Variants in SOS1 observed in about 807,000 individuals in gnomAD.
The protein encoded by SOS1 is SOS Ras/Rac guanine nucleotide exchange factor 1, also known as son of sevenless homolog 1.
A neutral mutation model predicts 157.6 loss-of-function variants in SOS1; 25 were observed. The observed-to-expected ratio is 0.16, with a 90% CI of 0.12 to 0.22. The LOEUF (loss-of-function observed/expected upper bound fraction) is 0.22. Ranked by LOEUF, SOS1 falls within the 10% of genes least tolerant of loss-of-function variation. The pLI is 1.00. For missense variants in SOS1, 1,237 were observed against 1,599.1 expected, an observed-to-expected ratio of 0.77 and a Z score of 3.86; for synonymous variants, 528 against 534.0, an observed-to-expected ratio of 0.99 and a Z score of 0.16.
At chr2:39,021,813 A>T (rs906462640) in intron 10 of SOS1, among the ~76,000 whole-genome samples, 1 of 151,780 alleles carries the variant, frequency 6.6e-6, no homozygotes, top group Non-Finnish European at 1.5e-5. Context: ...CTGAATAAAA[A>T]ACATTTTTAT....
chr2:39,096,661 G>A lies in SOS1; in HGVS notation c.87+23675C>T, dbSNP rs1168317505. Among the ~76,000 whole-genome samples, 4 of 152,118 alleles carry A rather than the reference G, an allele frequency of 2.6e-5. No homozygotes were observed. The South Asian group carries it at 8.3e-4, about 32-fold the overall frequency. ...AGCACTTTGGGAGGCCAAGGCAGGC[G>A]GATCACGAGGTCAGGAGATCGAGAC... On this transcript the variant is annotated intron_variant, in intron 1 of 22. Coordinates refer to ENST00000402219, the MANE Select transcript of SOS1 (RefSeq NM_005633.4).
At chr2:39,009,004 A>G (rs998526135) in intron 15 of SOS1, among the ~76,000 whole-genome samples, 22 of 152,152 alleles carry the variant, frequency 1.4e-4, no homozygotes, top group Non-Finnish European at 2.1e-4. Flanking sequence ...TGCCTGTGAG[A>G]GCAACCAAAT....
chr2:39,017,521 C>A (rs551094543), intron 10 of SOS1, among the ~76,000 whole-genome samples: 1 of 152,068 alleles, frequency 6.6e-6, no homozygotes, highest in African/African-American at 2.4e-5. Flanking sequence ...AATAAACACT[C>A]CCATAATCAT....
chr2:39,051,940 A>G (rs955400859), intron 5 of SOS1, among the ~76,000 whole-genome samples: 7 of 152,170 alleles, frequency 4.6e-5, no homozygotes, highest in Admixed American at 1.3e-4. Context: ...TTACTAGTCA[A>G]TGGTTTTCAA....
chr2:39,101,466 G>A (rs1258185495), intron 1 of SOS1, among the ~76,000 whole-genome samples: 1 of 152,080 alleles, frequency 6.6e-6, no homozygotes, highest in African/African-American at 2.4e-5. Flanking sequence ...ACAACTAGAT[G>A]ATACAGAAAT....
intron 1 of SOS1, among the ~76,000 whole-genome samples, chr2:39,090,550 G>T (rs977791146): frequency 6.6e-6 from 1 of 151,978 alleles, no homozygotes; most frequent in African/African-American, 2.4e-5. Flanking sequence ...ACAAAAATTA[G>T]CCAGGCATGG....
At chr2:39,059,565 A>G (rs1475716851) in intron 2 of SOS1, among the ~76,000 whole-genome samples, 4 of 152,204 alleles carry the variant, frequency 2.6e-5, no homozygotes, top group Admixed American at 2.6e-4. Flanking sequence ...TCGCTATTAC[A>G]TAACTTTTAC....
At chr2:39,112,963 G>C (rs903875958) in intron 1 of SOS1, among the ~76,000 whole-genome samples, 1 of 151,930 alleles carries the variant, frequency 6.6e-6, no homozygotes, top group Non-Finnish European at 1.5e-5. Context: ...TGGAACCTGG[G>C]AGGTGGAGGC....
At chr2:39,011,221 T>C (rs145817461) in intron 14 of SOS1, among the ~76,000 whole-genome samples, 8 of 152,322 alleles carry the variant, frequency 5.3e-5, no homozygotes, top group African/African-American at 1.9e-4. Flanking sequence ...TTAAAAACTA[T>C]TTTTATGGAA....
chr2:39,118,375 G>C (rs191916051), intron 1 of SOS1, among the ~76,000 whole-genome samples: 7 of 152,310 alleles, frequency 4.6e-5, no homozygotes, highest in Admixed American at 3.9e-4. Context: ...AAAAACGTAG[G>C]TTTTGAGCTA....
At chr2:39,039,262 G>A (rs1670471385) in intron 6 of SOS1, among the ~76,000 whole-genome samples, 1 of 152,184 alleles carries the variant, frequency 6.6e-6, no homozygotes, top group Non-Finnish European at 1.5e-5. Context: ...TATTGCAGTA[G>A]TCTGAAACCT....
intron 1 of SOS1, among the ~76,000 whole-genome samples, chr2:39,076,016 A>T (rs1671985154): frequency 6.6e-6 from 1 of 152,250 alleles, no homozygotes; most frequent in Non-Finnish European, 1.5e-5. Context: ...TTCCAACCTT[A>T]TACAATGTGT....
intron 8 of SOS1, among the ~76,000 whole-genome samples, chr2:39,030,244 G>GAAAAAAAAAAAAAAAAAACAAA (rs60498470): frequency 8.0e-6 from 1 of 125,616 alleles, no homozygotes; most frequent in Non-Finnish European, 1.6e-5. Context: ...AAAGAAAACA[G>GAAAAAAAAAAAAAAAAAACAAA]AAAAAAAAAA....
At chr2:39,044,957 C>G (rs963490241) in intron 6 of SOS1, among the ~76,000 whole-genome samples, 1 of 152,030 alleles carries the variant, frequency 6.6e-6, no homozygotes, top group East Asian at 1.9e-4. Flanking sequence ...ATGTTCAAGT[C>G]CCTGATATAA....
chr2:39,014,917 T>C, intron 10 of SOS1, 71 bp from the exon 11 acceptor site: 1 of 891,650 alleles, frequency 1.1e-6, no homozygotes, highest in Non-Finnish European at 1.9e-6. Context: ...TATGTACATT[T>C]TCAAAATAGA....
chr2:39,019,489 T>C (rs992029087), intron 10 of SOS1, among the ~76,000 whole-genome samples: 1 of 151,756 alleles, frequency 6.6e-6, no homozygotes, highest in Non-Finnish European at 1.5e-5. Context: ...ATCCATCCAA[T>C]TGGATAATTT....
At chr2:39,111,781 G>T (rs1259281351) in intron 1 of SOS1, among the ~76,000 whole-genome samples, 5 of 150,028 alleles carry the variant, frequency 3.3e-5, no homozygotes, top group African/African-American at 1.2e-4. Context: ...CCAGGCTGGA[G>T]TGCAGTGACA....
At chr2:39,033,703 T>C (rs2124559521) in intron 8 of SOS1, among the ~76,000 whole-genome samples, 1 of 152,204 alleles carries the variant, frequency 6.6e-6, no homozygotes, top group Non-Finnish European at 1.5e-5. Flanking sequence ...CCTGGCTAAT[T>C]TTATTTCTAT....
intron 2 of SOS1, among the ~76,000 whole-genome samples, chr2:39,064,188 T>A (rs1401103410): frequency 1.3e-5 from 2 of 152,178 alleles, no homozygotes; most frequent in African/African-American, 2.4e-5. Context: ...GTATATCATG[T>A]ACAACATGAT....
Sources: gnomAD v4.1 joint callset for allele counts (sites outside exome capture counted in the v4.1 genomes callset) on GRCh38, gnomAD v4.1.1 for gene constraint, MANE v1.5 for transcripts, NCBI Gene and HGNC (gene_info 2026-07-23, HGNC 2026-07-21) for gene names.